PHF20L1: variants seen among roughly 807,000 people sequenced by gnomAD.
PHF20L1 encodes the protein PHD finger protein 20 like 1.
PHF20L1 carries 44 observed loss-of-function variants against 125.5 expected under a neutral mutation model. The ratio of observed to expected loss-of-function variants is 0.35; its 90% CI spans 0.28 to 0.45. The LOEUF (loss-of-function observed/expected upper bound fraction) is 0.45, where lower values mean the gene tolerates loss of function less well. PHF20L1 is among the 20% of genes least tolerant of loss of function. The pLI is 1.00. For missense variants in PHF20L1, 1,012 were observed against 1,217.2 expected, an observed-to-expected ratio of 0.83 and a Z score of 2.51; for synonymous variants, 380 against 403.1, an observed-to-expected ratio of 0.94 and a Z score of 0.69.
intron 18 of PHF20L1, among the ~76,000 whole-genome samples, chr8:132,840,491 T>C (rs1837820010): frequency 6.6e-6 from 1 of 152,254 alleles, no homozygotes; most frequent in Non-Finnish European, 1.5e-5. Flanking sequence ...AAGATAAATA[T>C]CAGCTTGTCT....
At chr8:132,793,788 T>C (rs1747195441) in intron 2 of PHF20L1, among the ~76,000 whole-genome samples, 1 of 152,206 alleles carries the variant, frequency 6.6e-6, no homozygotes, top group Non-Finnish European at 1.5e-5. Context: ...TATAAAATAT[T>C]GATAAATACA....
At position 132,841,290 on chromosome 8, in the gene PHF20L1, A is replaced by G. The variant is rs142157270; in HGVS notation, c.2388-1225A>G. Reference sequence around the variant, plus strand: ...CCTCATTTCATTGTTGGGTAGTGAAAGAGATTTTGTAACTTGTTCAGGCTT... The same window carrying G: ...CCTCATTTCATTGTTGGGTAGTGAAGGAGATTTTGTAACTTGTTCAGGCTT... On this transcript the variant is annotated intron_variant, in intron 18 of 20. Coordinates refer to ENST00000395386, the MANE Select transcript of PHF20L1 (RefSeq NM_016018.5). 3.2e-3 allele frequency among the ~76,000 whole-genome samples: 481 copies of G among 152,166 alleles called. 5 individuals are homozygous for G. Among genetic ancestry groups the G allele is most frequent in the African/African-American group, 0.011 (468 of 41,528 alleles).
At chr8:132,812,147 TGCC>T (rs1834464109) in intron 9 of PHF20L1, 2 of 978,924 alleles carry the variant, frequency 2.0e-6, no homozygotes, top group Non-Finnish European at 2.4e-6. Flanking sequence ...GTTAAGTCTT[TGCC>T]GTTATTGTCA....
intron 14 of PHF20L1, chr8:132,826,432 TGA>T (rs1836190562): frequency 6.6e-6 from 1 of 151,980 alleles, no homozygotes; most frequent in African/African-American, 2.4e-5. Context: ...GCATCAAATA[TGA>T]GAGTGTTCAC....
chr8:132,846,015 T>A lies in PHF20L1; in HGVS notation c.*92T>A, dbSNP rs1838399058. ...TGGCTAAGTGGATAATTTAAAAGCTTAGTAATGTCTGGTCATTCACTGATT... is the reference window on the plus strand; with the variant it reads ...TGGCTAAGTGGATAATTTAAAAGCTAAGTAATGTCTGGTCATTCACTGATT... On this transcript the variant is annotated 3_prime_UTR_variant, in exon 21 of 21. Transcript: ENST00000395386. 1 of 943,622 alleles carries A rather than the reference T, an allele frequency of 1.1e-6. No homozygotes were observed. The highest frequency in any genetic ancestry group is 1.7e-5 in the South Asian group (1 of 57,212). The allele number at this position is 943,622 out of a possible 1,614,324, so 58.5% of individuals were successfully genotyped here. A position where few individuals can be genotyped will look rare whatever the true frequency, so the allele number is the denominator to read the frequency against.
chr8:132,780,274 T>C (rs1293618155), intron 2 of PHF20L1, among the ~76,000 whole-genome samples: 1 of 152,148 alleles, frequency 6.6e-6, no homozygotes, highest in Non-Finnish European at 1.5e-5. Flanking sequence ...TTGAATTTTA[T>C]ATGGGACACA....
At chr8:132,837,024 C>G (rs1018854470) in intron 16 of PHF20L1, among the ~76,000 whole-genome samples, 1 of 152,132 alleles carries the variant, frequency 6.6e-6, no homozygotes, top group African/African-American at 2.4e-5. Flanking sequence ...AGCAACCTTT[C>G]TCTTCCTCAT....
At chr8:132,832,096 A>G (rs1183339840) in intron 14 of PHF20L1, 139 bp from the exon 15 acceptor site, 1 of 628,706 alleles carries the variant, frequency 1.6e-6, no homozygotes, top group Non-Finnish European at 2.8e-6. Flanking sequence ...TCAGATCCAT[A>G]TGTAGCTTTT....
chr8:132,821,129 G>A (rs1315299244), intron 12 of PHF20L1, among the ~76,000 whole-genome samples: 2 of 151,788 alleles, frequency 1.3e-5, no homozygotes, highest in African/African-American at 2.4e-5. Flanking sequence ...GGTAGCATTC[G>A]ATGAAATGCA....
chr8:132,832,761 A>T (rs1472514184), intron 15 of PHF20L1, among the ~76,000 whole-genome samples: 1 of 152,122 alleles, frequency 6.6e-6, no homozygotes, highest in Non-Finnish European at 1.5e-5. Context: ...TAGTGTTAGA[A>T]TTAAAACTCT....
chr8:132,778,230 G>A (rs530750997), intron 2 of PHF20L1, among the ~76,000 whole-genome samples: 18 of 152,298 alleles, frequency 1.2e-4, no homozygotes, highest in Non-Finnish European at 2.4e-4. Flanking sequence ...GAAGTAGAGA[G>A]AGGAGTAATC....
In PHF20L1 at chr8:132,777,855, T is replaced by C. The variant is rs779770853; in HGVS notation, c.27T>C (p.Pro9=). 22 of 1,613,130 alleles carry C rather than the reference T, an allele frequency of 1.4e-5. No homozygotes were observed. Among genetic ancestry groups the C allele is most frequent in the Non-Finnish European group, 1.7e-6 (2 of 1,179,272 alleles). ...TGAGTAAAAAGCCCCCAAATCGCCC[T>C]GGAATCACTTTTGAGATTGGTGCTC... The part of the protein sequence containing the change: MSKKPPNR[P]GITFEIGARL... The change falls in exon 2 of 21, where the codon CCT becomes CCC. Residue 9 remains proline, a synonymous_variant. Coordinates refer to ENST00000395386, the MANE Select transcript of PHF20L1 (RefSeq NM_016018.5).
At chr8:132,808,435 T>G (rs1833979960) in intron 8 of PHF20L1, 1 of 152,036 alleles carries the variant, frequency 6.6e-6, no homozygotes, top group Non-Finnish European at 1.5e-5. Flanking sequence ...ATTTCATCTA[T>G]TGAGTATTAA....
chr8:132,799,900 A>G (rs1319932677), intron 6 of PHF20L1: 1 of 151,924 alleles, frequency 6.6e-6, no homozygotes, highest in Non-Finnish European at 1.5e-5. Context: ...GCTTTTGATC[A>G]GGAAGTGGCT....
intron 15 of PHF20L1, among the ~76,000 whole-genome samples, chr8:132,834,290 T>C (rs1440531654): frequency 6.6e-6 from 1 of 152,136 alleles, no homozygotes; most frequent in East Asian, 1.9e-4. Context: ...TGCAAGTATA[T>C]GTGAGATACA....
chr8:132,790,420 A>C (rs1227701814), intron 2 of PHF20L1, among the ~76,000 whole-genome samples: 1 of 152,160 alleles, frequency 6.6e-6, no homozygotes, highest in African/African-American at 2.4e-5. Context: ...CTCGCAGTGT[A>C]ACTGGTAACC....
chr8:132,823,926 G>A (rs76816246), intron 12 of PHF20L1, 78 bp from the exon 13 acceptor site: 2 of 790,156 alleles, frequency 2.5e-6, no homozygotes, highest in East Asian at 2.7e-5. Context: ...AGTTTTATGA[G>A]CAATTGTAAT....
intron 9 of PHF20L1, chr8:132,811,809 A>G (rs914501730): frequency 2.0e-5 from 20 of 984,638 alleles, no homozygotes; most frequent in Non-Finnish European, 2.4e-5. Context: ...AGAACGCAGT[A>G]ATAGCCATAA....
At position 132,803,866 on chromosome 8, in the gene PHF20L1, C is replaced by A; in HGVS notation, c.555C>A (p.Asn185Lys). Reference sequence around the variant, plus strand: ...CAGCTGCTGCAGCTGCAGCCAAGAACAAAACAGGGAGTAAACCTCGAACCA... The same window carrying A: ...CAGCTGCTGCAGCTGCAGCCAAGAAAAAAACAGGGAGTAAACCTCGAACCA... ...VKAAAAAAAK[N>K]KTGSKPRTSA... Residue 185 changes from asparagine (N) to lysine (K), a missense_variant, in exon 7 of 21, where the codon AAC (asparagine) becomes AAA (lysine). Asn to Lys is a moderately conservative substitution (Grantham distance 94). Around this residue, in one of 7 missense-constraint regions of PHF20L1, gnomAD observed 134 missense variants for 145.9 expected, o/e 0.92. Transcript: ENST00000395386. The A allele has an allele frequency of 1.2e-6, 2 of 1,609,734 alleles. No individual in the cohort carries two copies. The highest frequency in any genetic ancestry group is 1.7e-6 in the Non-Finnish European group (2 of 1,177,444).
Sources: gnomAD v4.1 joint callset for allele counts (sites outside exome capture counted in the v4.1 genomes callset) on GRCh38, gnomAD v4.1.1 for gene constraint, gnomAD v4.1.1 regional missense constraint, MANE v1.5 for transcripts, NCBI Gene and HGNC (gene_info 2026-07-23, HGNC 2026-07-21) for gene names.